KIF16B: variants seen among roughly 807,000 people sequenced by gnomAD.
KIF16B encodes kinesin family member 16B, also known as kinesin-like protein KIF16B.
Under a neutral mutation model 156.3 loss-of-function variants are expected in KIF16B, and 98 were observed. That is an observed-to-expected ratio of 0.63 (90% CI 0.53 to 0.74). The LOEUF (loss-of-function observed/expected upper bound fraction) is 0.74, where lower values mean the gene tolerates loss of function less well. Ranked by LOEUF, KIF16B falls within the 30% of genes least tolerant of loss-of-function variation. The pLI is 0.00. For missense variants in KIF16B, 1,421 were observed against 1,606.5 expected, an observed-to-expected ratio of 0.88 and a Z score of 1.97; for synonymous variants, 564 against 583.7, an observed-to-expected ratio of 0.97 and a Z score of 0.49.
chr20:16,455,154 T>A (rs1349266411), intron 12 of KIF16B, among the ~76,000 whole-genome samples: 1 of 152,138 alleles, frequency 6.6e-6, no homozygotes, highest in Non-Finnish European at 1.5e-5. Flanking sequence ...ATGAGGGACA[T>A]AAATCATTTG....
chr20:16,368,861 A>G, intron 22 of KIF16B: 1 of 985,802 alleles, frequency 1.0e-6, no homozygotes, highest in South Asian at 4.7e-5. Flanking sequence ...GTCCAACTGG[A>G]CTTGACTCTC....
chr20:16,389,475 TCA>T (rs1245518327), intron 17 of KIF16B, among the ~76,000 whole-genome samples: 2 of 152,192 alleles, frequency 1.3e-5, no homozygotes, highest in Non-Finnish European at 2.9e-5. Flanking sequence ...GGACGGTGTT[TCA>T]CCTTTCCCTG....
intron 15 of KIF16B, among the ~76,000 whole-genome samples, chr20:16,415,127 A>C (rs987102500): frequency 1.3e-5 from 2 of 152,150 alleles, no homozygotes; most frequent in Non-Finnish European, 2.9e-5. Flanking sequence ...GTCCTTCTGC[A>C]GGAAAATGTA....
At chr20:16,414,590 A>T (rs1043251024) in intron 15 of KIF16B, among the ~76,000 whole-genome samples, 2 of 152,140 alleles carry the variant, frequency 1.3e-5, no homozygotes, top group Non-Finnish European at 2.9e-5. Flanking sequence ...ATTGATTTTC[A>T]ATCTTGGCTA....
chr20:16,396,904 T>C lies in KIF16B; in HGVS notation c.1784+7909A>G, dbSNP rs1433840558. Among the ~76,000 whole-genome samples, 5 of 113,528 alleles carry C rather than the reference T, an allele frequency of 4.4e-5. No individual in the cohort carries two copies. The South Asian group carries it at 1.2e-3, about 28-fold the overall frequency. The allele number at this position is 113,528 out of a possible 152,430, so 74.5% of individuals were successfully genotyped here. ...CCAGAAACAGGTTTAATCCTGATTT[T>C]TGATATTCTAACTGGGTTTGAAAGC... On this transcript the variant is annotated intron_variant, in intron 17 of 25. Coordinates refer to ENST00000354981, the MANE Select transcript of KIF16B (RefSeq NM_024704.5).
chr20:16,402,082 C>G (rs958796053), intron 17 of KIF16B, among the ~76,000 whole-genome samples: 1 of 152,054 alleles, frequency 6.6e-6, no homozygotes, highest in Non-Finnish European at 1.5e-5. Context: ...TTACTATATC[C>G]CATCTACTCT....
chr20:16,356,473 A>C (rs774066216), intron 22 of KIF16B, 21 bp from the exon 23 acceptor site: 2 of 1,613,462 alleles, frequency 1.2e-6, no homozygotes, highest in Admixed American at 3.3e-5. Flanking sequence ...CATGTCAGAC[A>C]GGGAGAACAA....
At chr20:16,362,720 A>G (rs2064574222) in intron 22 of KIF16B, among the ~76,000 whole-genome samples, 1 of 152,214 alleles carries the variant, frequency 6.6e-6, no homozygotes, top group Admixed American at 6.5e-5. Flanking sequence ...AAATTTCCAA[A>G]TCTGAAATGG....
intron 19 of KIF16B, 81 bp downstream of exon 19, chr20:16,378,723 AG>A: frequency 7.7e-7 from 1 of 1,294,378 alleles, no homozygotes; most frequent in Non-Finnish European, 1.1e-6. Flanking sequence ...AAAAAAAAAA[AG>A]GATAAACACA....
intron 17 of KIF16B, among the ~76,000 whole-genome samples, chr20:16,397,604 A>G (rs962886079): frequency 7.2e-5 from 11 of 152,270 alleles, no homozygotes; most frequent in African/African-American, 2.7e-4. Context: ...ACTGGATACA[A>G]TAATTTGCAA....
chr20:16,345,312 A>T lies in KIF16B; in HGVS notation c.3622-9297T>A, dbSNP rs190203478. Among the ~76,000 whole-genome samples, 472 of 152,334 alleles carry T rather than the reference A, an allele frequency of 3.1e-3. 3 individuals are homozygous for T. Among genetic ancestry groups the T allele is most frequent in the Non-Finnish European group, 3.6e-3 (248 of 68,036 alleles). On this transcript the variant is annotated intron_variant, in intron 23 of 25. Coordinates refer to ENST00000354981, the MANE Select transcript of KIF16B (RefSeq NM_024704.5). ...TGCTTCTACTATGGTCTTTAAAAAA[A>T]TTATATTACAGGTACCAAATATTTG...
intron 1 of KIF16B, among the ~76,000 whole-genome samples, chr20:16,535,719 T>C (rs1326244755): frequency 1.3e-5 from 2 of 149,644 alleles, no homozygotes. Context: ...GACACAGAAA[T>C]GACCAACAGA....
chr20:16,327,068 TACACACACACAC>T (rs35869892), intron 24 of KIF16B, among the ~76,000 whole-genome samples: 91 of 143,046 alleles, frequency 6.4e-4, no homozygotes, highest in African/African-American at 2.0e-3. Context: ...TGTATACATG[TACACACACACAC>T]ACACACACAC....
intron 3 of KIF16B, among the ~76,000 whole-genome samples, chr20:16,519,769 G>A (rs1157742096): frequency 6.6e-6 from 1 of 152,210 alleles, no homozygotes; most frequent in Non-Finnish European, 1.5e-5. Context: ...CTCCCAGCAA[G>A]ATCAATGCAG....
At chr20:16,286,624 T>C (rs982972441) in intron 25 of KIF16B, among the ~76,000 whole-genome samples, 1 of 152,216 alleles carries the variant, frequency 6.6e-6, no homozygotes, top group Non-Finnish European at 1.5e-5. Context: ...AGATTCCTAA[T>C]GTCCAGAATT....
At chr20:16,353,490 A>C (rs752172223) in intron 23 of KIF16B, among the ~76,000 whole-genome samples, 2 of 152,220 alleles carry the variant, frequency 1.3e-5, no homozygotes. Flanking sequence ...TTTTAATAAC[A>C]AACACTTATC....
intron 12 of KIF16B, among the ~76,000 whole-genome samples, chr20:16,477,042 G>A (rs1011465643): frequency 4.6e-5 from 7 of 152,026 alleles, no homozygotes; most frequent in South Asian, 2.1e-4. Context: ...CCACTGCGCC[G>A]GGCCTGGATA....
At chr20:16,444,003 A>C (rs1441673051) in intron 12 of KIF16B, among the ~76,000 whole-genome samples, 10 of 152,228 alleles carry the variant, frequency 6.6e-5, no homozygotes, top group Non-Finnish European at 1.2e-4. Context: ...CCAATCACAC[A>C]CATCAATTAG....
At chr20:16,371,214 C>T (rs369781142) in intron 21 of KIF16B, among the ~76,000 whole-genome samples, 8 of 152,240 alleles carry the variant, frequency 5.3e-5, no homozygotes, top group African/African-American at 1.9e-4. Flanking sequence ...TTTTCTAGAA[C>T]ATTCCACATC....
Sources: gnomAD v4.1 joint callset for allele counts (sites outside exome capture counted in the v4.1 genomes callset) on GRCh38, gnomAD v4.1.1 for gene constraint, MANE v1.5 for transcripts, NCBI Gene and HGNC (gene_info 2026-07-23, HGNC 2026-07-21) for gene names.